The following BMPR1A variants were observed in gnomAD, a reference collection of about 807,000 sequenced individuals.
BMPR1A encodes the protein bone morphogenetic protein receptor type-1A.
BMPR1A carries 7 observed loss-of-function variants against 66.0 expected under a neutral mutation model. The observed-to-expected ratio is 0.11, with a 90% CI of 0.06 to 0.20. The LOEUF (loss-of-function observed/expected upper bound fraction) is 0.20. Ranked by LOEUF, BMPR1A falls within the 10% of genes least tolerant of loss-of-function variation. The pLI is 1.00. For missense variants in BMPR1A, 408 were observed against 669.1 expected, an observed-to-expected ratio of 0.61 and a Z score of 4.31; for synonymous variants, 200 against 229.7, an observed-to-expected ratio of 0.87 and a Z score of 1.17.
At chr10:86,832,400 A>G (rs111339167) in intron 1 of BMPR1A, among the ~76,000 whole-genome samples, 6 of 150,402 alleles carry the variant, frequency 4.0e-5, no homozygotes, top group African/African-American at 9.8e-5. Context: ...CGGGAGGCAG[A>G]GGTTGTGGTG....
At chr10:86,892,499 G>A (rs772666372) in intron 5 of BMPR1A, among the ~76,000 whole-genome samples, 6 of 152,126 alleles carry the variant, frequency 3.9e-5, no homozygotes, top group Non-Finnish European at 5.9e-5. Context: ...CTGGAGTGCA[G>A]TGCTGCGATC....
At chr10:86,810,901 TTGTG>T (rs3086853) in intron 1 of BMPR1A, among the ~76,000 whole-genome samples, 1 of 151,422 alleles carries the variant, frequency 6.6e-6, no homozygotes, top group Non-Finnish European at 1.5e-5. Context: ...AGCACAACAT[TTGTG>T]TGTGTGTGTG....
At chr10:86,814,485 A>G (rs1043893159) in intron 1 of BMPR1A, among the ~76,000 whole-genome samples, 4 of 151,936 alleles carry the variant, frequency 2.6e-5, no homozygotes, top group East Asian at 1.9e-4. Context: ...CAATTTCTCG[A>G]AGGCATTATC....
chr10:86,786,418 C>T (rs531372106), intron 1 of BMPR1A, among the ~76,000 whole-genome samples: 1 of 152,098 alleles, frequency 6.6e-6, no homozygotes, highest in Non-Finnish European at 1.5e-5. Context: ...TTGCACTGCT[C>T]TTGCGAGGTC....
intron 1 of BMPR1A, among the ~76,000 whole-genome samples, chr10:86,836,881 T>C (rs1211126154): frequency 6.6e-6 from 1 of 152,134 alleles, no homozygotes; most frequent in Admixed American, 6.6e-5. Context: ...TGCAGTGAGC[T>C]GTGATTGTGC....
intron 1 of BMPR1A, among the ~76,000 whole-genome samples, chr10:86,817,683 C>G (rs1842054524): frequency 6.6e-6 from 1 of 152,106 alleles, no homozygotes; most frequent in African/African-American, 2.4e-5. Context: ...CAGAATAGAC[C>G]TGTAACTAGT....
chr10:86,923,404 T>C lies in BMPR1A; in HGVS notation c.1371T>C (p.Tyr457=), dbSNP rs1484956301. 3.1e-6 allele frequency: 5 copies of C among 1,614,100 alleles called. No homozygotes were observed. The highest frequency in any genetic ancestry group is 1.6e-4 in the Middle Eastern group (1 of 6,084). The change falls in exon 12 of 13, where the codon TAT becomes TAC. Residue 457 remains tyrosine, a synonymous_variant. Coordinates refer to ENST00000372037, the MANE Select transcript of BMPR1A (RefSeq NM_004329.3). ...GGIVEEYQLP[Y]YNMVPSDPSY... is the part of the protein sequence containing the mutation. Reference sequence around the variant, plus strand: ...TCGTGGAAGAATACCAATTGCCATATTACAACATGGTACCGAGTGATCCGT... The same window carrying C: ...TCGTGGAAGAATACCAATTGCCATACTACAACATGGTACCGAGTGATCCGT...
downstream of BMPR1A, chr10:86,929,582 A>G (rs1843789893): frequency 6.6e-6 from 1 of 152,228 alleles, no homozygotes; most frequent in Non-Finnish European, 1.5e-5. Flanking sequence ...GTGTCTGAAG[A>G]TAGCCTCTTA....
chr10:86,885,813 G>A (rs761221713), intron 3 of BMPR1A, among the ~76,000 whole-genome samples: 11 of 152,116 alleles, frequency 7.2e-5, no homozygotes, highest in Admixed American at 1.3e-4. Flanking sequence ...TTAAGGTTGC[G>A]GCAGAGGGCA....
At chr10:86,863,786 T>C (rs542803541) in intron 2 of BMPR1A, among the ~76,000 whole-genome samples, 1 of 152,140 alleles carries the variant, frequency 6.6e-6, no homozygotes, top group Non-Finnish European at 1.5e-5. Context: ...TAGAATATGC[T>C]TAGTGTAAGA....
At chr10:86,826,411 A>AACACACATAGACAC (rs71477611) in intron 1 of BMPR1A, among the ~76,000 whole-genome samples, 1 of 147,000 alleles carries the variant, frequency 6.8e-6, no homozygotes. Flanking sequence ...CAATCAAGGA[A>AACACACATAGACAC]ACACACACAC....
At chr10:86,871,941 G>A (rs1413558646) in intron 2 of BMPR1A, among the ~76,000 whole-genome samples, 1 of 152,216 alleles carries the variant, frequency 6.6e-6, no homozygotes, top group Non-Finnish European at 1.5e-5. Flanking sequence ...CTCAAGTGGA[G>A]TGGTTGCTAT....
intron 11 of BMPR1A, 132 bp from the exon 12 acceptor site, chr10:86,923,244 A>ATATAGT: frequency 9.0e-7 from 1 of 1,105,528 alleles, no homozygotes; most frequent in South Asian, 1.3e-5. Flanking sequence ...ATTAAGAGTG[A>ATATAGT]ATCATAGTGT....
rs71477609 is a variant in BMPR1A at position 86,824,081 on chromosome 10, T to TTGTGTGTGTGTGTGTGTGTGTG, written c.-267-14774_-267-14753dup. Among the ~76,000 whole-genome samples, 279 of 94,114 alleles carry TTGTGTGTGTGTGTGTGTGTGTG rather than the reference T, an allele frequency of 3.0e-3. 3 individuals are homozygous for TTGTGTGTGTGTGTGTGTGTGTG. The highest frequency in any genetic ancestry group is 7.3e-3 in the African/African-American group (255 of 34,842). The allele number at this position is 94,114 out of a possible 152,430, so 61.7% of individuals were successfully genotyped here. A position where few individuals can be genotyped will look rare whatever the true frequency, so the allele number is the denominator to read the frequency against. ...TGGCCCCTGGAAATATTACCAAGGG[T>TTGTGTGTGTGTGTGTGTGTGTG]TGTGTGTGTGTGTGTGTGTGTGTGT... On this transcript the variant is annotated intron_variant, in intron 1 of 12. Coordinates refer to ENST00000372037, the MANE Select transcript of BMPR1A (RefSeq NM_004329.3).
At chr10:86,833,088 C>T (rs1842295275) in intron 1 of BMPR1A, among the ~76,000 whole-genome samples, 1 of 152,064 alleles carries the variant, frequency 6.6e-6, no homozygotes, top group South Asian at 2.1e-4. Context: ...CTAGCCTGGA[C>T]AACAGAGTGA....
chr10:86,843,391 A>G (rs1842448772), intron 2 of BMPR1A: 1 of 152,178 alleles, frequency 6.6e-6, no homozygotes, highest in African/African-American at 2.4e-5. Context: ...CAAAGCACTT[A>G]TTTTTATTCT....
intron 1 of BMPR1A, among the ~76,000 whole-genome samples, chr10:86,773,068 G>C (rs1188550818): frequency 1.3e-5 from 2 of 151,764 alleles, no homozygotes; most frequent in Non-Finnish European, 1.5e-5. Context: ...ATTTGTAGGG[G>C]TGGGGGTATC....
At chr10:86,800,582 G>A (rs1307400910) in intron 1 of BMPR1A, among the ~76,000 whole-genome samples, 1 of 152,110 alleles carries the variant, frequency 6.6e-6, no homozygotes, top group Non-Finnish European at 1.5e-5. Flanking sequence ...TAGTAGAGAC[G>A]GGATTTCACC....
At chr10:86,810,974 T>G (rs904952046) in intron 1 of BMPR1A, among the ~76,000 whole-genome samples, 1 of 152,342 alleles carries the variant, frequency 6.6e-6, no homozygotes, top group African/African-American at 2.4e-5. Context: ...CTTAAACTCC[T>G]GATCTCAGGT....
Sources: allele counts gnomAD v4.1 joint callset (sites outside exome capture counted in the v4.1 genomes callset), GRCh38; gene constraint gnomAD v4.1.1; transcripts MANE v1.5; gene names NCBI Gene and HGNC (gene_info 2026-07-23, HGNC 2026-07-21).